Variants in SLC5A11 observed in about 807,000 individuals in gnomAD.
SLC5A11 encodes sodium/myo-inositol cotransporter 2.
In SLC5A11, 48 loss-of-function variants were observed where a neutral mutation model predicts 69.8. That is an observed-to-expected ratio of 0.69 (90% CI 0.55 to 0.87). The LOEUF is 0.87. Among genes scored for constraint, SLC5A11 ranks in the 40% least tolerant of loss-of-function variants. The pLI is 0.00. For synonymous variants in SLC5A11, 319 were observed against 342.4 expected (o/e 0.93, Z 0.75); for missense variants, 784 against 866.1 (o/e 0.91, Z 1.19).
chr16:24,850,833 C>T (rs904137412), intron 1 of SLC5A11, among the ~76,000 whole-genome samples: 17 of 151,132 alleles, frequency 1.1e-4, no homozygotes, highest in African/African-American at 4.1e-4. Context: ...TTCTTTAAGA[C>T]AGAGTCTTGC....
chr16:24,854,743 A>G (rs1050699823), intron 1 of SLC5A11, among the ~76,000 whole-genome samples: 1 of 151,694 alleles, frequency 6.6e-6, no homozygotes, highest in South Asian at 2.1e-4. Context: ...CCTCCCCTGT[A>G]AAGTCTGATG....
In SLC5A11 at chr16:24,857,189, C is replaced by T. The variant is rs117101878; in HGVS notation, c.-24-1431C>T. Among the ~76,000 whole-genome samples, 8 of 152,304 alleles carry T rather than the reference C, an allele frequency of 5.3e-5. No individual in the cohort carries two copies. The East Asian group carries it at 1.5e-3, about 29-fold the overall frequency. On this transcript the variant is annotated intron_variant, in intron 1 of 15. Transcript: ENST00000347898. Reference sequence around the variant, plus strand: ...TGAACCTGCCCTCTGTGAAACATCACGTTGTGCTGTTGTTGTCCATGGGTG... The same window carrying T: ...TGAACCTGCCCTCTGTGAAACATCATGTTGTGCTGTTGTTGTCCATGGGTG...
Position 24,879,018 on chromosome 16 carries a change from G to A in SLC5A11, c.583+1655G>A, listed in dbSNP as rs527866474. On this transcript the variant is annotated intron_variant, in intron 7 of 15. Transcript: ENST00000347898. Reference sequence around the variant, plus strand: ...CCACTGCACTCCAGCCTGGGCAACAGAGTGGGACTCTGTCTCAAAAATAAA... The same window carrying A: ...CCACTGCACTCCAGCCTGGGCAACAAAGTGGGACTCTGTCTCAAAAATAAA... Among the ~76,000 whole-genome samples, 8 of 152,294 alleles carry A rather than the reference G, an allele frequency of 5.3e-5. No homozygotes were observed. The East Asian group carries it at 1.5e-3, about 29-fold the overall frequency.
At chr16:24,878,592 A>G (rs2047839405) in intron 7 of SLC5A11, among the ~76,000 whole-genome samples, 1 of 152,176 alleles carries the variant, frequency 6.6e-6, no homozygotes, top group Admixed American at 6.5e-5. Context: ...TCATGTATTT[A>G]CATACACAGG....
At chr16:24,873,826 ATT>A (rs59598384) in intron 5 of SLC5A11, among the ~76,000 whole-genome samples, 56 of 138,154 alleles carry the variant, frequency 4.1e-4, no homozygotes, top group Non-Finnish European at 4.8e-4. Context: ...AACTGGAGTA[ATT>A]TTTTTTTTTT....
chr16:24,867,338 G>A (rs1442880931), intron 3 of SLC5A11, among the ~76,000 whole-genome samples: 1 of 152,178 alleles, frequency 6.6e-6, no homozygotes, highest in East Asian at 1.9e-4. Context: ...AATGAAAACA[G>A]CATGCTAAAA....
chr16:24,875,468 GC>G, intron 5 of SLC5A11, among the ~76,000 whole-genome samples, 158 bp from the exon 7 acceptor site: 1 of 152,088 alleles, frequency 6.6e-6, no homozygotes, highest in East Asian at 1.9e-4. Context: ...ACTGTGCTGG[GC>G]CCCTCTCCTC....
chr16:24,887,412 T>C (rs554709399), intron 8 of SLC5A11, among the ~76,000 whole-genome samples: 2 of 152,270 alleles, frequency 1.3e-5, no homozygotes, highest in African/African-American at 4.8e-5. Context: ...ACAAAAACTT[T>C]AAAATGTTGG....
At chr16:24,860,385 A>G (rs959702344) in intron 2 of SLC5A11, among the ~76,000 whole-genome samples, 1 of 152,138 alleles carries the variant, frequency 6.6e-6, no homozygotes, top group Non-Finnish European at 1.5e-5. Flanking sequence ...GAACCTGGGA[A>G]GCAGAGGTTG....
In SLC5A11 at chr16:24,911,290, A is replaced by G. The variant is rs532993548; in HGVS notation, c.1823-38A>G. On this transcript the variant is annotated intron_variant, in intron 15 of 15. Coordinates refer to ENST00000347898, the Ensembl canonical transcript of SLC5A11. ...TGTCTCACCTCTCTGGGAGATACAG[A>G]CCACCTCTACGGTCTTCCTTTGCTG... 5.6e-6 allele frequency: 9 copies of G among 1,605,554 alleles called. No homozygotes were observed. The African/African-American group carries it at 1.2e-4, about 21-fold the overall frequency.
chr16:24,868,399 G>A (rs534610246), intron 3 of SLC5A11, among the ~76,000 whole-genome samples: 46 of 150,618 alleles, frequency 3.1e-4, no homozygotes, highest in Admixed American at 7.9e-4. Flanking sequence ...GACCATCCTG[G>A]CGAACACGGT....
At chr16:24,909,647 A>AT in intron 14 of SLC5A11, among the ~76,000 whole-genome samples, 1 of 144,584 alleles carries the variant, frequency 6.9e-6, no homozygotes, top group East Asian at 2.0e-4. Flanking sequence ...GTCTCACAAA[A>AT]AAAAAAAAAA....
intron 9 of SLC5A11, among the ~76,000 whole-genome samples, chr16:24,891,601 G>C (rs1195162877): frequency 1.3e-5 from 2 of 152,202 alleles, no homozygotes; most frequent in East Asian, 3.9e-4. Flanking sequence ...TGGGATTATA[G>C]GTGTGATCCA....
chr16:24,885,342 T>TA (rs2048326577), intron 8 of SLC5A11, among the ~76,000 whole-genome samples: 1 of 152,036 alleles, frequency 6.6e-6, no homozygotes, highest in Non-Finnish European at 1.5e-5. Context: ...AGCCACTCAT[T>TA]AAGCCTTAAA....
At chr16:24,886,742 A>G (rs1024797891) in intron 8 of SLC5A11, among the ~76,000 whole-genome samples, 6 of 152,172 alleles carry the variant, frequency 3.9e-5, no homozygotes, top group Admixed American at 1.3e-4. Flanking sequence ...TGAGGCCAGT[A>G]GCTTGAAACC....
intron 1 of SLC5A11, among the ~76,000 whole-genome samples, chr16:24,855,179 T>C (rs1375006359): frequency 6.6e-6 from 1 of 152,138 alleles, no homozygotes; most frequent in Admixed American, 6.6e-5. Flanking sequence ...TGATTGTGCA[T>C]GTCCCTCTGT....
intron 3 of SLC5A11, among the ~76,000 whole-genome samples, chr16:24,867,163 G>T (rs1302749619): frequency 6.6e-6 from 1 of 152,082 alleles, no homozygotes; most frequent in Non-Finnish European, 1.5e-5. Context: ...TAAAATGATT[G>T]AAATAATACA....
chr16:24,869,940 C>T, exon 4 of SLC5A11: 1 of 1,614,160 alleles, frequency 6.2e-7, no homozygotes, highest in Non-Finnish European at 8.5e-7. Context: ...TGGAAGTGGA[C>T]ATTTCATTGG....
At chr16:24,881,253 T>G (rs553508259) in intron 7 of SLC5A11, among the ~76,000 whole-genome samples, 19 of 151,446 alleles carry the variant, frequency 1.3e-4, no homozygotes, top group Non-Finnish European at 2.5e-4. Flanking sequence ...TATCTCATTG[T>G]GGTAGTGATT....
Sources: allele counts gnomAD v4.1 joint callset (sites outside exome capture counted in the v4.1 genomes callset), GRCh38; gene constraint gnomAD v4.1.1; transcripts MANE v1.5; gene names NCBI Gene and HGNC (gene_info 2026-07-23, HGNC 2026-07-21).